The following ETV6 variants were observed in gnomAD, a reference collection of about 807,000 sequenced individuals.
ETV6 encodes the protein ETS variant transcription factor 6, also known as transcription factor ETV6.
ETV6 carries 16 observed loss-of-function variants against 51.1 expected under a neutral mutation model. The observed-to-expected ratio is 0.31, with a 90% CI of 0.21 to 0.48. The LOEUF is 0.48. ETV6 is among the 20% of genes least tolerant of loss of function. ETV6 has a pLI of 0.99. For synonymous variants in ETV6, 240 were observed against 224.1 expected (o/e 1.07, Z -0.64); for missense variants, 458 against 594.8 (o/e 0.77, Z 2.39).
chr12:11,870,667 G>A (rs890184043), intron 5 of ETV6, among the ~76,000 whole-genome samples: 2 of 152,136 alleles, frequency 1.3e-5, no homozygotes, highest in Non-Finnish European at 2.9e-5. Flanking sequence ...AGCTCTTTTC[G>A]TAGAGCATTT....
At chr12:11,816,575 C>T (rs746481229) in intron 2 of ETV6, among the ~76,000 whole-genome samples, 1 of 152,166 alleles carries the variant, frequency 6.6e-6, no homozygotes, top group Non-Finnish European at 1.5e-5. Flanking sequence ...ATCATTGCCT[C>T]GTTCTTGGTT....
At chr12:11,657,402 G>A (rs1364109240) in intron 1 of ETV6, among the ~76,000 whole-genome samples, 2 of 152,178 alleles carry the variant, frequency 1.3e-5, no homozygotes, top group Admixed American at 6.5e-5. Context: ...TGACATATTA[G>A]TGTTCATCAT....
At chr12:11,793,291 G>A (rs1307672610) in intron 2 of ETV6, among the ~76,000 whole-genome samples, 2 of 152,214 alleles carry the variant, frequency 1.3e-5, no homozygotes, top group African/African-American at 2.4e-5. Flanking sequence ...AATTTAAGAT[G>A]AGGAAACTGA....
At chr12:11,720,033 G>T (rs1259686713) in intron 1 of ETV6, among the ~76,000 whole-genome samples, 1 of 152,224 alleles carries the variant, frequency 6.6e-6, no homozygotes, top group African/African-American at 2.4e-5. Flanking sequence ...GGTCTCCCAC[G>T]AATCAGAAGC....
Position 11,713,070 on chromosome 12 carries a change from A to G in ETV6, c.34-39380A>G, listed in dbSNP as rs375818607. On this transcript the variant is annotated intron_variant, in intron 1 of 7. Coordinates refer to ENST00000396373, the MANE Select transcript of ETV6 (RefSeq NM_001987.5). ...GAAGTGAGAAGAAGGGAGAATGACC[A>G]GGTGGGTGATGAATTTAAACTGGAA... Among the ~76,000 whole-genome samples the G allele has an allele frequency of 2.0e-4, 31 of 152,294 alleles. 1 individual carries two copies. The highest frequency in any genetic ancestry group is 1.2e-3 in the Admixed American group (19 of 15,298).
At chr12:11,659,206 G>GC (rs1864054757) in intron 1 of ETV6, among the ~76,000 whole-genome samples, 2 of 152,188 alleles carry the variant, frequency 1.3e-5, no homozygotes, top group African/African-American at 4.8e-5. Context: ...TTCCTCTCTA[G>GC]CAGATGTGAG....
At chr12:11,685,805 A>G (rs1864618297) in intron 1 of ETV6, among the ~76,000 whole-genome samples, 1 of 152,196 alleles carries the variant, frequency 6.6e-6, no homozygotes. Flanking sequence ...GATGATTTCA[A>G]CCTTTTTCTT....
rs560754740 is a variant in ETV6, at chr12:11,763,078, G to A, written c.163+10499G>A. On this transcript the variant is annotated intron_variant, in intron 2 of 7. Coordinates refer to ENST00000396373, the MANE Select transcript of ETV6 (RefSeq NM_001987.5). ...CGGATGGGTTGGAAGGTTCATCTCT[G>A]TTAGGCATGGTTTCCCACTAGATAT... is the stretch of plus-strand genomic sequence containing the variant. 2.0e-5 allele frequency among the ~76,000 whole-genome samples: 3 copies of A among 152,290 alleles called. No individual in the cohort carries two copies. In the South Asian group the frequency reaches 6.2e-4, roughly 32 times the overall value.
chr12:11,675,292 A>G (rs567138686), intron 1 of ETV6, among the ~76,000 whole-genome samples: 1 of 152,344 alleles, frequency 6.6e-6, no homozygotes, highest in Admixed American at 6.5e-5. Context: ...TGCTACAAAG[A>G]GCAAAAATAA....
At chr12:11,742,387 C>G (rs78925057) in intron 1 of ETV6, among the ~76,000 whole-genome samples, 137 of 152,314 alleles carry the variant, frequency 9.0e-4, no homozygotes, top group African/African-American at 3.3e-3. Context: ...TTCTGAGTCC[C>G]TATTCCTAAG....
At chr12:11,832,289 C>A (rs1190847680) in intron 2 of ETV6, among the ~76,000 whole-genome samples, 1 of 152,200 alleles carries the variant, frequency 6.6e-6, no homozygotes, top group Non-Finnish European at 1.5e-5. Flanking sequence ...CAGACTGAAA[C>A]AGGTAGTGCA....
At chr12:11,714,281 G>A (rs1375159690) in intron 1 of ETV6, among the ~76,000 whole-genome samples, 2 of 152,128 alleles carry the variant, frequency 1.3e-5, no homozygotes, top group Non-Finnish European at 2.9e-5. Context: ...ACATTTTCTG[G>A]GCACAGATAT....
intron 2 of ETV6, among the ~76,000 whole-genome samples, chr12:11,784,778 A>G (rs979596315): frequency 6.6e-6 from 1 of 151,530 alleles, no homozygotes; most frequent in African/African-American, 2.4e-5. Context: ...AGCTCACTGC[A>G]GCCGCAAACT....
At chr12:11,886,069 T>C in intron 7 of ETV6, 43 bp downstream of exon 7, 5 of 1,434,946 alleles carry the variant, frequency 3.5e-6, no homozygotes, top group Non-Finnish European at 4.9e-6. Context: ...GGGAGGATGC[T>C]GTTTTCTTTA....
intron 1 of ETV6, among the ~76,000 whole-genome samples, chr12:11,743,087 T>C (rs1420719068): frequency 2.0e-5 from 3 of 152,100 alleles, no homozygotes; most frequent in Non-Finnish European, 4.4e-5. Flanking sequence ...GGATTACAGG[T>C]GTGAGCCACT....
chr12:11,835,861 A>C (rs558136658), intron 2 of ETV6, among the ~76,000 whole-genome samples: 1 of 152,184 alleles, frequency 6.6e-6, no homozygotes, highest in Non-Finnish European at 1.5e-5. Flanking sequence ...TTCTGGAACC[A>C]GATTGCCTGG....
At chr12:11,684,549 C>T (rs545891395) in intron 1 of ETV6, among the ~76,000 whole-genome samples, 6 of 152,300 alleles carry the variant, frequency 3.9e-5, no homozygotes, top group East Asian at 1.9e-4. Flanking sequence ...ACTCATCACT[C>T]GGCTTCAACA....
At chr12:11,761,875 G>A (rs1349777256) in intron 2 of ETV6, among the ~76,000 whole-genome samples, 1 of 152,204 alleles carries the variant, frequency 6.6e-6, no homozygotes, top group Non-Finnish European at 1.5e-5. Context: ...GAAACACAAG[G>A]GGTATCAGCA....
At chr12:11,839,714 TA>T (rs1462819727) in intron 3 of ETV6, among the ~76,000 whole-genome samples, 1 of 152,084 alleles carries the variant, frequency 6.6e-6, no homozygotes, top group African/African-American at 2.4e-5. Context: ...ACCTCAACTC[TA>T]CAGAAATTTT....
Sources: gnomAD v4.1 joint callset for allele counts (sites outside exome capture counted in the v4.1 genomes callset) on GRCh38, gnomAD v4.1.1 for gene constraint, MANE v1.5 for transcripts, NCBI Gene and HGNC (gene_info 2026-07-23, HGNC 2026-07-21) for gene names.